SEMA4F: variants seen among roughly 807,000 people sequenced by gnomAD.
The protein encoded by SEMA4F is ssemaphorin 4F, also known as semaphorin-4F.
Under a neutral mutation model 78.4 loss-of-function variants are expected in SEMA4F, and 51 were observed. That is an observed-to-expected ratio of 0.65 (90% confidence interval 0.52 to 0.82). SEMA4F has a LOEUF of 0.82. Ranked by LOEUF, SEMA4F falls within the 40% of genes least tolerant of loss-of-function variation. SEMA4F has a pLI of 0.00. For synonymous variants in SEMA4F, 418 were observed against 408.7 expected (o/e 1.02, Z -0.27); for missense variants, 938 against 1,014.4 (o/e 0.92, Z 1.02).
the SEMA4F span, among the ~76,000 whole-genome samples, chr2:74,693,546 A>G: frequency 6.6e-6 from 1 of 152,242 alleles, no homozygotes; most frequent in Non-Finnish European, 1.5e-5. Flanking sequence ...TATGTCAAAT[A>G]TCTTCATAAG....
intron 5 of SEMA4F, among the ~76,000 whole-genome samples, chr2:74,664,576 C>T (rs554486853): frequency 1.4e-3 from 210 of 152,258 alleles, no homozygotes; most frequent in African/African-American, 4.6e-3. Flanking sequence ...TACCAATTTA[C>T]ACCCTAAATC....
At chr2:74,694,492 C>G in the SEMA4F span, among the ~76,000 whole-genome samples, 1 of 152,316 alleles carries the variant, frequency 6.6e-6, no homozygotes, top group East Asian at 1.9e-4. Flanking sequence ...GAAGCCAAGT[C>G]TATCTGCTCC....
At chr2:74,685,293 T>C (rs538551136), downstream of SEMA4F, among the ~76,000 whole-genome samples, 1 of 152,146 alleles carries the variant, frequency 6.6e-6, no homozygotes, top group African/African-American at 2.4e-5. Flanking sequence ...GTAGGAAAGA[T>C]AAGGAGTAGT....
At chr2:74,707,465 T>C in the SEMA4F span, among the ~76,000 whole-genome samples, 78 of 152,050 alleles carry the variant, frequency 5.1e-4, no homozygotes, top group Non-Finnish European at 1.0e-3. Flanking sequence ...TAAATGTTCA[T>C]TGTATTCTTG....
chr2:74,690,132 TC>T, the SEMA4F span, among the ~76,000 whole-genome samples: 1 of 152,184 alleles, frequency 6.6e-6, no homozygotes, highest in Non-Finnish European at 1.5e-5. Flanking sequence ...ACCCCACGGT[TC>T]CCCATGCCAT....
At chr2:74,656,451 A>G in intron 1 of SEMA4F, 83 bp from the exon 2 acceptor site, 2 of 1,450,720 alleles carry the variant, frequency 1.4e-6, no homozygotes, top group Non-Finnish European at 1.9e-6. Context: ...GAAGAAAACA[A>G]AAATTGGCCC....
intron 4 of SEMA4F, among the ~76,000 whole-genome samples, chr2:74,659,947 A>T (rs1684344134): frequency 6.6e-6 from 1 of 152,226 alleles, no homozygotes; most frequent in Non-Finnish European, 1.5e-5. Flanking sequence ...GCTGTCCTTC[A>T]GTGATAGCTC....
downstream of SEMA4F, among the ~76,000 whole-genome samples, chr2:74,686,318 C>T (rs1272817796): frequency 6.6e-6 from 1 of 152,154 alleles, no homozygotes; most frequent in Non-Finnish European, 1.5e-5. Flanking sequence ...TCAGGATGGT[C>T]TCAATCTCCT....
At chr2:74,705,989 C>T in the SEMA4F span, among the ~76,000 whole-genome samples, 2 of 149,668 alleles carry the variant, frequency 1.3e-5, no homozygotes, top group African/African-American at 5.0e-5. Context: ...TTTCTGATTC[C>T]TTTATGGTTA....
chr2:74,701,640 T>C, the SEMA4F span, among the ~76,000 whole-genome samples: 1 of 152,156 alleles, frequency 6.6e-6, no homozygotes, highest in Non-Finnish European at 1.5e-5. Context: ...TCTTCACAGC[T>C]GGGGGCAGGG....
intron 5 of SEMA4F, among the ~76,000 whole-genome samples, chr2:74,669,452 G>C (rs776193611): frequency 6.6e-6 from 1 of 151,968 alleles, no homozygotes. Context: ...GGTGTGGTGG[G>C]GGGGTGCCTG....
rs778409605 is a variant in SEMA4F at position 74,658,709 on chromosome 2, G to C, written c.456+758G>C. On this transcript the variant is annotated intron_variant, in intron 4 of 13. Transcript: ENST00000357877. This position sits in a 1 kb window ranked among gnomAD's most constrained non-coding sequence, Gnocchi z 4.3. ...AGCTTTTCCCATCTGTTACACAGTA[G>C]TCAGCACTGGTCTTTTGGCAGCTCA... Among the ~76,000 whole-genome samples, 45 of 152,218 alleles carry C rather than the reference G, an allele frequency of 3.0e-4. No homozygotes were observed. The highest frequency in any genetic ancestry group is 6.0e-4 in the Non-Finnish European group (41 of 68,042).
Position 74,675,390 on chromosome 2 carries a change from T to C in SEMA4F, c.1372+6T>C. On this transcript the variant is annotated splice_donor_region_variant and intron_variant, in intron 10 of 13. Coordinates refer to ENST00000357877, the MANE Select transcript of SEMA4F (RefSeq NM_004263.5). ...TGTGCTCTACCTGGGGACAGGTATA[T>C]TTAATGGTCAAGCAGGCTGCCTACC... 6.2e-7 allele frequency: 1 copy of C among 1,611,620 alleles called. No homozygotes were observed. Among genetic ancestry groups the C allele is most frequent in the South Asian group, 1.1e-5 (1 of 90,932 alleles).
At chr2:74,686,090 G>A (rs916346238), downstream of SEMA4F, among the ~76,000 whole-genome samples, 7 of 151,822 alleles carry the variant, frequency 4.6e-5, no homozygotes, top group African/African-American at 1.7e-4. Context: ...GGAGAAATAG[G>A]AATGCTTTTT....
chr2:74,669,538 T>C (rs926169916), intron 5 of SEMA4F, among the ~76,000 whole-genome samples: 1 of 152,038 alleles, frequency 6.6e-6, no homozygotes, highest in Non-Finnish European at 1.5e-5. Context: ...TGAGCCGAGA[T>C]AGCGCCACTG....
At position 74,662,804 on chromosome 2, in the gene SEMA4F, C is replaced by T. The variant is rs749568015; in HGVS notation, c.529C>T (p.Arg177Trp). ...GAAATGTCCTTTTGAGCCAGCTCAG[C>T]GGTCAGCAGCTGTAATGGCTGGTGA... is the stretch of plus-strand genomic sequence containing the variant. ...RGKCPFEPAQ[R>W]SAAVMAGGVL... Residue 177 changes from arginine to tryptophan, a missense_variant, in exon 5 of 14, where the codon CGG becomes TGG. Physicochemically the swap from Arg to Trp is moderately radical, Grantham distance 101 (BLOSUM62 -3). Coordinates refer to ENST00000357877, the MANE Select transcript of SEMA4F (RefSeq NM_004263.5). The T allele has an allele frequency of 6.8e-6, 11 of 1,614,148 alleles. No individual in the cohort carries two copies. The highest frequency in any genetic ancestry group is 3.3e-5 in the Admixed American group (2 of 60,028).
Position 74,656,613 on chromosome 2 carries a change from C to T in SEMA4F, c.225C>T (p.His75=), listed in dbSNP as rs1347194845. ...TTCTCCTTGTGGATCCTGCCTCCCA[C>T]ACACTTTATGTTGGCGCCCGGGACA... ...YSVLLVDPAS[H]TLYVGARDTI... The change falls in exon 2 of 14, where the codon CAC becomes CAT. Residue 75 remains histidine (H), a synonymous_variant. Coordinates refer to ENST00000357877, the MANE Select transcript of SEMA4F (RefSeq NM_004263.5). 6.2e-7 allele frequency: 1 copy of T among 1,614,212 alleles called. No homozygotes were observed. The highest frequency in any genetic ancestry group is 1.7e-5 in the Admixed American group (1 of 60,032).
chr2:74,658,756 G>A lies in SEMA4F; in HGVS notation c.456+805G>A, dbSNP rs561164303. On this transcript the variant is annotated intron_variant, in intron 4 of 13. Coordinates refer to ENST00000357877, the MANE Select transcript of SEMA4F (RefSeq NM_004263.5). The surrounding 1 kb of genome is among the most constrained non-coding windows in gnomAD (Gnocchi z 4.3). ...CTCACATTTGTGACAAGCCCCTGGC[G>A]TGAGTCAGAAGCCTCACATATCCTT... Among the ~76,000 whole-genome samples the A allele has an allele frequency of 1.2e-4, 19 of 152,224 alleles. No individual in the cohort carries two copies. The highest frequency in any genetic ancestry group is 2.2e-4 in the Non-Finnish European group (15 of 68,042).
downstream of SEMA4F, among the ~76,000 whole-genome samples, chr2:74,688,750 C>A (rs570100318): frequency 3.9e-5 from 6 of 152,186 alleles, no homozygotes; most frequent in African/African-American, 1.4e-4. Flanking sequence ...TTTGCCCTGG[C>A]AGTTCCAATC....
Sources: gnomAD v4.1 joint callset for allele counts (sites outside exome capture counted in the v4.1 genomes callset) on GRCh38, gnomAD v4.1.1 for gene constraint, Gnocchi (gnomAD v3.1) non-coding constraint, MANE v1.5 for transcripts, NCBI Gene and HGNC (gene_info 2026-07-23, HGNC 2026-07-21) for gene names.